Variants in DCTD observed in about 807,000 individuals in gnomAD.
The protein encoded by DCTD is deoxycytidylate deaminase.
Under a neutral mutation model 21.0 loss-of-function variants are expected in DCTD, and 23 were observed. The observed-to-expected ratio is 1.09, with a 90% CI of 0.79 to 1.55. The LOEUF (loss-of-function observed/expected upper bound fraction) is 1.55, where lower values mean the gene tolerates loss of function less well. DCTD is among the 40% of genes most tolerant of loss of function. The probability of loss-of-function intolerance (pLI) is 0.00; values close to 1 mark genes in which losing one functional copy is unlikely to be tolerated. For missense variants in DCTD, 224 were observed against 230.0 expected (o/e 0.97, Z 0.17); for synonymous variants, 71 against 81.1 (o/e 0.88, Z 0.67).
At chr4:182,911,886 G>C (rs1737745666) in intron 3 of DCTD, among the ~76,000 whole-genome samples, 1 of 152,174 alleles carries the variant, frequency 6.6e-6, no homozygotes, top group Non-Finnish European at 1.5e-5. Context: ...AAGATACTAA[G>C]AATTTAGCAT....
chr4:182,900,853 C>T (rs1015135910), intron 3 of DCTD, among the ~76,000 whole-genome samples: 2 of 37,478 alleles, frequency 5.3e-5, no homozygotes, highest in African/African-American at 1.9e-4. Flanking sequence ...AATTCATATG[C>T]TTTGGTTTTT....
intron 3 of DCTD, among the ~76,000 whole-genome samples, chr4:182,896,512 C>T (rs1214814447): frequency 2.6e-5 from 4 of 152,208 alleles, no homozygotes; most frequent in South Asian, 2.1e-4. Context: ...GAATCATCTT[C>T]GCTGCCCAGA....
At chr4:182,898,475 C>T (rs558950389) in intron 3 of DCTD, among the ~76,000 whole-genome samples, 42 of 152,336 alleles carry the variant, frequency 2.8e-4, no homozygotes, top group South Asian at 1.0e-3. Flanking sequence ...ATACCAAGTA[C>T]ATCCGATGTC....
intron 3 of DCTD, among the ~76,000 whole-genome samples, chr4:182,901,849 T>C (rs1735807764): frequency 6.6e-6 from 1 of 152,128 alleles, no homozygotes; most frequent in Non-Finnish European, 1.5e-5. Context: ...CTTTTTGTCA[T>C]TTCTTCCTGA....
chr4:182,895,706 C>T (rs1209754856), intron 3 of DCTD, among the ~76,000 whole-genome samples: 1 of 152,184 alleles, frequency 6.6e-6, no homozygotes, highest in Non-Finnish European at 1.5e-5. Flanking sequence ...ACTGAATTTT[C>T]CTGGGTGTGT....
intron 5 of DCTD, 111 bp from the exon 6 acceptor site, chr4:182,891,588 C>T (rs1196162084): frequency 2.7e-6 from 2 of 744,178 alleles, no homozygotes; most frequent in Non-Finnish European, 4.6e-6. Context: ...CTGGGATTCA[C>T]TTGCTATTTT....
rs532256051 is a variant in DCTD, at chr4:182,916,387, G to C, written c.-7-812C>G. Reference sequence around the variant, plus strand: ...TCAAAAGGAATGAAACAAGGGCAAGGAAGGAAGACAACACAAAAACGGGGT... The same window carrying C: ...TCAAAAGGAATGAAACAAGGGCAAGCAAGGAAGACAACACAAAAACGGGGT... On this transcript the variant is annotated intron_variant, in intron 1 of 5. Coordinates refer to ENST00000438320, the MANE Select transcript of DCTD (RefSeq NM_001921.3). The C allele has an allele frequency of 1.3e-5, 13 of 985,562 alleles. No individual in the cohort carries two copies. The African/African-American group carries it at 2.3e-4, about 17-fold the overall frequency. The allele number at this position is 985,562 out of a possible 1,614,324, so 61.1% of individuals were successfully genotyped here.
intron 5 of DCTD, among the ~76,000 whole-genome samples, chr4:182,891,798 T>TA (rs1265454760): frequency 6.6e-6 from 1 of 152,208 alleles, no homozygotes; most frequent in African/African-American, 2.4e-5. Context: ...CCATCAGATT[T>TA]ATCTTATTTT....
intron 5 of DCTD, among the ~76,000 whole-genome samples, chr4:182,891,952 A>G (rs2152853470): frequency 7.4e-6 from 1 of 135,418 alleles, no homozygotes; most frequent in East Asian, 2.2e-4. Flanking sequence ...GCAAACATAA[A>G]CCAACTTTTT....
intron 3 of DCTD, among the ~76,000 whole-genome samples, chr4:182,905,576 C>A (rs1182725329): frequency 2.0e-5 from 3 of 152,110 alleles, no homozygotes; most frequent in Non-Finnish European, 4.4e-5. Context: ...ATCTCCCCGC[C>A]TCGGCCTCCC....
At chr4:182,905,551 T>C (rs1736549942) in intron 3 of DCTD, among the ~76,000 whole-genome samples, 1 of 151,986 alleles carries the variant, frequency 6.6e-6, no homozygotes, top group Non-Finnish European at 1.5e-5. Context: ...ATGGTCTCGA[T>C]CTCTTGACCT....
chr4:182,905,650 C>T (rs1024172934), intron 3 of DCTD, among the ~76,000 whole-genome samples: 1 of 152,128 alleles, frequency 6.6e-6, no homozygotes, highest in African/African-American at 2.4e-5. Flanking sequence ...CCTTCTTTCT[C>T]CAACCACCTT....
intron 3 of DCTD, among the ~76,000 whole-genome samples, chr4:182,896,371 T>C (rs115060614): frequency 0.014 from 2,109 of 152,342 alleles, 38 homozygotes; most frequent in African/African-American, 0.047. Flanking sequence ...TTAGGAAGTA[T>C]TCATTTTTGT....
In DCTD at chr4:182,894,511, G is replaced by T; in HGVS notation, c.339C>A (p.Cys113Ter). 1 of 1,612,354 alleles carries T rather than the reference G, an allele frequency of 6.2e-7. No homozygotes were observed. The highest frequency in any genetic ancestry group is 1.1e-5 in the South Asian group (1 of 91,034). The change falls in exon 4 of 6, where the codon TGC (cysteine) becomes TGA (stop). Residue 113 changes from cysteine (C) to a stop codon, truncating the protein, a stop_gained. Coordinates refer to ENST00000438320, the MANE Select transcript of DCTD (RefSeq NM_001921.3). LOFTEE classifies it high-confidence loss of function. ...TACCTGCCTGGATGATGAGCTTAGC[G>T]CATTCATTACAAGGGAACAAGGCAA... ...MYVALFPCNE[C>*]AKLIIQAGIK...
At chr4:182,915,205 G>T (rs1450350465) in intron 2 of DCTD, 147 bp from the exon 3 acceptor site, 19 of 1,088,332 alleles carry the variant, frequency 1.7e-5, no homozygotes, top group Non-Finnish European at 2.4e-5. Context: ...TCCTTGCCTG[G>T]TTTTTTGTGG....
At chr4:182,908,408 A>C (rs1285365376) in intron 3 of DCTD, among the ~76,000 whole-genome samples, 2 of 152,266 alleles carry the variant, frequency 1.3e-5, no homozygotes, top group East Asian at 3.9e-4. Context: ...GTGGCCGGGC[A>C]CAGTGACTCA....
chr4:182,916,038 C>T, intron 1 of DCTD: 1 of 251,520 alleles, frequency 4.0e-6, no homozygotes, highest in Non-Finnish European at 6.5e-6. Context: ...CCATCTTACA[C>T]AGACTCAGAG....
At chr4:182,894,300 A>G (rs554552839) in intron 4 of DCTD, among the ~76,000 whole-genome samples, 189 bp downstream of exon 4, 4 of 152,242 alleles carry the variant, frequency 2.6e-5, no homozygotes, top group Non-Finnish European at 5.9e-5. Context: ...TAAGAATCAC[A>G]GAGGATGCAA....
At chr4:182,915,940 T>C (rs1738654724) in intron 1 of DCTD, 2 of 994,798 alleles carry the variant, frequency 2.0e-6, no homozygotes, top group Non-Finnish European at 2.5e-6. Flanking sequence ...AAATATTTAT[T>C]GATCATCTAT....
Sources: gnomAD v4.1 joint callset for allele counts (sites outside exome capture counted in the v4.1 genomes callset) on GRCh38, gnomAD v4.1.1 for gene constraint, MANE v1.5 for transcripts, NCBI Gene and HGNC (gene_info 2026-07-23, HGNC 2026-07-21) for gene names.